ZNF234: variants seen among roughly 807,000 people sequenced by gnomAD.
ZNF234 encodes the protein zinc finger protein 234, also known as C2-H2 type zinc finger protein.
In ZNF234, 4 loss-of-function variants were observed where a neutral mutation model predicts 10.3. The observed-to-expected ratio is 0.39, with a 90% confidence interval of 0.19 to 0.89. ZNF234 has a LOEUF of 0.89. Ranked by LOEUF, ZNF234 falls within the 40% of genes least tolerant of loss-of-function variation. The pLI is 0.38. For synonymous variants in ZNF234, 258 were observed against 280.1 expected (o/e 0.92, Z 0.79); for missense variants, 711 against 836.1 (o/e 0.85, Z 1.85).
At position 44,150,452 on chromosome 19, in the gene ZNF234, AGG is replaced by A. The variant is rs1968712026; in HGVS notation, c.183_184del (p.Glu62LysfsTer4). 1 of 1,590,100 alleles carries A rather than the reference AGG, an allele frequency of 6.3e-7. No individual in the cohort carries two copies. On this transcript the variant is annotated frameshift_variant, in exon 5 of 6. Transcript: ENST00000426739. LOFTEE classifies it high-confidence loss of function. ...AAACATGATGTATTCCTTTTAGAAA[AGG>A]AAAAAAAGCTTGATATAATGAAGAC... is the stretch of plus-strand genomic sequence containing the variant.
chr19:44,142,498 C>T (rs1027606587), intron 2 of ZNF234, 131 bp downstream of exon 2: 9 of 152,100 alleles, frequency 5.9e-5, no homozygotes, highest in African/African-American at 2.2e-4. Flanking sequence ...CAATTAGATA[C>T]GTTTAAGCCG....
intron 4 of ZNF234, 133 bp from the exon 5 acceptor site, chr19:44,150,280 A>C: frequency 5.5e-6 from 3 of 550,050 alleles, no homozygotes; most frequent in Non-Finnish European, 9.2e-6. Context: ...TTTCTTCATT[A>C]GGTTCTTCTA....
chr19:44,147,075 A>G (rs925159608), intron 3 of ZNF234, among the ~76,000 whole-genome samples: 4 of 151,820 alleles, frequency 2.6e-5, no homozygotes, highest in Non-Finnish European at 4.4e-5. Flanking sequence ...CGGCCTCCCA[A>G]AGTGCTGGGA....
At position 44,156,897 on chromosome 19, in the gene ZNF234, G is replaced by GTAAGAACTT; in HGVS notation, c.882_890dup (p.Lys295_Phe297dup). The GTAAGAACTT allele has an allele frequency of 1.2e-6, 2 of 1,613,860 alleles. No individual in the cohort carries two copies. Among genetic ancestry groups the GTAAGAACTT allele is most frequent in the Non-Finnish European group, 8.5e-7 (1 of 1,179,838 alleles). ...AAACCATTCAAATGTGATACATGTG[G>GTAAGAACTT]TAAGAACTTCCGTCGTAGATCAGCA... is the stretch of plus-strand genomic sequence containing the variant. On this transcript the variant is annotated inframe_insertion, in exon 6 of 6. Transcript: ENST00000426739.
At position 44,148,995 on chromosome 19, in the gene ZNF234, A is replaced by G. The variant is rs1944981225; in HGVS notation, c.142+98A>G. 12 of 1,402,226 alleles carry G rather than the reference A, an allele frequency of 8.6e-6. No homozygotes were observed. In the South Asian group the frequency reaches 1.6e-4, roughly 19 times the overall value. The allele number at this position is 1,402,226 out of a possible 1,614,324, so 86.9% of individuals were successfully genotyped here. On this transcript the variant is annotated intron_variant, in intron 4 of 5. Coordinates refer to ENST00000426739, the MANE Select transcript of ZNF234 (RefSeq NM_006630.3). ...TTTGGAGGTCTTGAATTAGTCGCCT[A>G]CATTTGTAGACCTGACTTTCCTATC...
rs571062168 is a variant in ZNF234 at position 44,144,945 on chromosome 19, C to T, written c.15+298C>T. The stretch of plus-strand genomic sequence containing the variant: ...GCTGACCATACATATTTTCCTTTTG[C>T]GGTTGATTGAGTCTGTGGATGTGGA... On this transcript the variant is annotated intron_variant, in intron 3 of 5. Transcript: ENST00000426739. Among the ~76,000 whole-genome samples, 3 of 152,268 alleles carry T rather than the reference C, an allele frequency of 2.0e-5. No individual in the cohort carries two copies. In the East Asian group the frequency reaches 5.8e-4, roughly 29 times the overall value.
At chr19:44,150,968 G>A (rs1216660889) in intron 5 of ZNF234, among the ~76,000 whole-genome samples, 1 of 151,600 alleles carries the variant, frequency 6.6e-6, no homozygotes, top group Admixed American at 6.6e-5. Context: ...CAAGAGGCAG[G>A]TTGCAGTGAG....
intron 5 of ZNF234, among the ~76,000 whole-genome samples, chr19:44,151,991 G>A (rs1053468910): frequency 1.7e-4 from 26 of 152,068 alleles, no homozygotes; most frequent in African/African-American, 6.3e-4. Flanking sequence ...TGATTATTCT[G>A]CCAACTACAG....
chr19:44,144,520 G>T (rs991933130), intron 2 of ZNF234, 37 bp from the exon 3 acceptor site: 1 of 930,382 alleles, frequency 1.1e-6, no homozygotes, highest in Non-Finnish European at 1.5e-6. Context: ...GGACATCCCT[G>T]GCCACGCTTT....
rs774545213 is a variant in ZNF234 at position 44,148,676 on chromosome 19, G to C, written c.16-95G>C. 8 of 1,555,506 alleles carry C rather than the reference G, an allele frequency of 5.1e-6. No individual in the cohort carries two copies. The African/African-American group carries it at 9.5e-5, about 18-fold the overall frequency. Reference sequence around the variant, plus strand: ...TACACATTAAGTCTCTGAAAATCTGGACCAGCTCCCCCTACATACTCTCCA... The same window carrying C: ...TACACATTAAGTCTCTGAAAATCTGCACCAGCTCCCCCTACATACTCTCCA... On this transcript the variant is annotated intron_variant, in intron 3 of 5. Coordinates refer to ENST00000426739, the MANE Select transcript of ZNF234 (RefSeq NM_006630.3).
At chr19:44,154,628 CTTTTT>C (rs779013573) in intron 5 of ZNF234, among the ~76,000 whole-genome samples, 3 of 102,450 alleles carry the variant, frequency 2.9e-5, no homozygotes, top group African/African-American at 4.0e-5. Flanking sequence ...TTCTCTTTTT[CTTTTT>C]TTTTTTTTTT....
intron 3 of ZNF234, among the ~76,000 whole-genome samples, chr19:44,147,651 G>A (rs1013696138): frequency 1.3e-5 from 2 of 152,124 alleles, no homozygotes; most frequent in African/African-American, 2.4e-5. Context: ...TCAGGAGTTC[G>A]TGACCAGCCT....
Position 44,158,035 on chromosome 19 carries a change from T to G in ZNF234, c.2019T>G (p.Ile673Met), listed in dbSNP as rs1452115009. The G allele has an allele frequency of 6.2e-7, 1 of 1,613,644 alleles. No homozygotes were observed. The highest frequency in any genetic ancestry group is 1.3e-5 in the African/African-American group (1 of 74,828). The change falls in exon 6 of 6, where the codon ATT becomes ATG. Residue 673 changes from isoleucine to methionine, a missense_variant. Physicochemically the swap from Ile to Met is conservative, Grantham distance 10. Coordinates refer to ENST00000426739, the MANE Select transcript of ZNF234 (RefSeq NM_006630.3). ...CAAATCTTGTAAGTCATCACAAAAT[T>G]CATGCTGCTGGTACATTTTATGAAA... ...WRSNLVSHHK[I>M]HAAGTFYEND...
rs1968913212 is a variant in ZNF234, at chr19:44,157,232, G to A, written c.1216G>A (p.Gly406Arg). 6.2e-7 allele frequency: 1 copy of A among 1,614,196 alleles called. No individual in the cohort carries two copies. Among genetic ancestry groups the A allele is most frequent in the Middle Eastern group, 1.7e-4 (1 of 6,060 alleles). Residue 406 changes from glycine to arginine, a missense_variant, in exon 6 of 6, where the codon GGG becomes AGG. Gly to Arg is a moderately radical substitution (Grantham distance 125). Coordinates refer to ENST00000426739, the MANE Select transcript of ZNF234 (RefSeq NM_006630.3). Reference sequence around the variant, plus strand: ...GAAGCCATACAAATGCAATGAGTGTGGGAAGAGCTTCAGAATGAAAATTCA... The same window carrying A: ...GAAGCCATACAAATGCAATGAGTGTAGGAAGAGCTTCAGAATGAAAATTCA... ...GEKPYKCNECGKSFRMKIHYQ... is the reference protein window; with the variant it reads ...GEKPYKCNECRKSFRMKIHYQ...
intron 4 of ZNF234, among the ~76,000 whole-genome samples, chr19:44,149,312 G>A (rs1014356769): frequency 2.0e-5 from 3 of 152,076 alleles, no homozygotes; most frequent in African/African-American, 7.2e-5. Context: ...ACCAGGTGTG[G>A]TGGTGCATGC....
intron 5 of ZNF234, 38 bp downstream of exon 5, chr19:44,150,543 G>A: frequency 6.7e-7 from 1 of 1,501,032 alleles, no homozygotes; most frequent in East Asian, 2.4e-5. Context: ...GTACGTGATT[G>A]TCCATCTGTT....
At chr19:44,151,919 AC>A (rs1968753336) in intron 5 of ZNF234, among the ~76,000 whole-genome samples, 1 of 152,106 alleles carries the variant, frequency 6.6e-6, no homozygotes, top group Non-Finnish European at 1.5e-5. Flanking sequence ...AACCTTAATT[AC>A]CCTTTGTCAT....
chr19:44,155,040 G>A (rs550054319), intron 5 of ZNF234, among the ~76,000 whole-genome samples: 17 of 152,162 alleles, frequency 1.1e-4, no homozygotes, highest in Middle Eastern at 3.4e-3. Flanking sequence ...TTGTGGAAGA[G>A]TTCATTTAAA....
intron 5 of ZNF234, among the ~76,000 whole-genome samples, chr19:44,152,405 C>G (rs1968764201): frequency 6.6e-6 from 1 of 152,176 alleles, no homozygotes; most frequent in Non-Finnish European, 1.5e-5. Flanking sequence ...GCAGCTAGGA[C>G]AGGTCATACA....
Sources: allele counts gnomAD v4.1 joint callset (sites outside exome capture counted in the v4.1 genomes callset), GRCh38; gene constraint gnomAD v4.1.1; transcripts MANE v1.5; gene names NCBI Gene and HGNC (gene_info 2026-07-23, HGNC 2026-07-21).